Variants in MALRD1 observed in about 807,000 individuals in gnomAD.
MALRD1 encodes the protein MAM and LDL receptor class A domain containing 1, also known as MAM and LDL-receptor class A domain-containing protein 1.
MALRD1 carries 247 observed loss-of-function variants against 242.1 expected under a neutral mutation model. That is an observed-to-expected ratio of 1.02 (90% CI 0.92 to 1.13). The LOEUF (loss-of-function observed/expected upper bound fraction) is 1.13, where lower values mean the gene tolerates loss of function less well. Ranked by LOEUF, MALRD1 falls within the 50% of genes most tolerant of loss-of-function variation. The pLI is 0.00. For missense variants in MALRD1, 2,989 were observed against 2,533.1 expected (o/e 1.18, Z -3.86); for synonymous variants, 995 against 866.6 (o/e 1.15, Z -2.60).
At chr10:19,526,365 A>AAAACATAT (rs1554792495) in intron 31 of MALRD1, among the ~76,000 whole-genome samples, 1 of 148,966 alleles carries the variant, frequency 6.7e-6, no homozygotes, top group African/African-American at 2.5e-5. Flanking sequence ...CCAAAAAAAA[A>AAAACATAT]ATACATATAT....
In MALRD1 at chr10:19,640,827, A is replaced by C. The variant is rs114727499; in HGVS notation, c.6137+24904A>C. Among the ~76,000 whole-genome samples the C allele has an allele frequency of 9.2e-3, 1,408 of 152,340 alleles. 19 individuals carry two copies. The highest frequency in any genetic ancestry group is 0.032 in the African/African-American group (1,321 of 41,566). ...ACACAGCAAAATAGCTGAAATGTGG[A>C]AATGATATAGTAAGTTCTTGTTTTT... On this transcript the variant is annotated intron_variant, in intron 36 of 39. Coordinates refer to ENST00000454679, the MANE Select transcript of MALRD1 (RefSeq NM_001142308.3).
At chr10:19,307,720 G>A (rs945998616) in intron 21 of MALRD1, among the ~76,000 whole-genome samples, 3 of 151,450 alleles carry the variant, frequency 2.0e-5, no homozygotes, top group African/African-American at 4.8e-5. Context: ...ATTGGATAGA[G>A]AATTGGGTTT....
At chr10:19,486,277 G>T (rs913520632) in intron 29 of MALRD1, among the ~76,000 whole-genome samples, 2 of 152,148 alleles carry the variant, frequency 1.3e-5, no homozygotes, top group Non-Finnish European at 2.9e-5. Context: ...TTGTAAGTCT[G>T]ATCAGTTTTT....
intron 33 of MALRD1, among the ~76,000 whole-genome samples, chr10:19,589,181 A>G (rs1837621054): frequency 6.6e-6 from 1 of 152,168 alleles, no homozygotes; most frequent in Non-Finnish European, 1.5e-5. Flanking sequence ...GGTCCAAGAT[A>G]GATAGATAGA....
At chr10:19,411,945 G>C (rs1227905390) in intron 28 of MALRD1, among the ~76,000 whole-genome samples, 6 of 152,204 alleles carry the variant, frequency 3.9e-5, no homozygotes, top group Non-Finnish European at 8.8e-5. Flanking sequence ...GTTCACTCAT[G>C]GTTTTTCATA....
chr10:19,415,039 T>C (rs1656682217), intron 28 of MALRD1, among the ~76,000 whole-genome samples: 1 of 152,212 alleles, frequency 6.6e-6, no homozygotes, highest in Admixed American at 6.5e-5. Context: ...TTTCACCTAT[T>C]AGGCTATGAA....
chr10:19,693,571 A>G (rs1833212298), intron 38 of MALRD1, among the ~76,000 whole-genome samples: 1 of 152,218 alleles, frequency 6.6e-6, no homozygotes, highest in South Asian at 2.1e-4. Flanking sequence ...CAAGGAAATA[A>G]AAGAGGACAC....
intron 33 of MALRD1, among the ~76,000 whole-genome samples, chr10:19,591,768 G>A (rs1467093359): frequency 2.6e-5 from 4 of 152,102 alleles, no homozygotes; most frequent in African/African-American, 9.7e-5. Flanking sequence ...AAACTGTTGG[G>A]ATTACAGGCA....
At chr10:19,581,909 C>T (rs148517079) in intron 33 of MALRD1, among the ~76,000 whole-genome samples, 2,468 of 152,268 alleles carry the variant, frequency 0.016, 27 homozygotes, top group Admixed American at 0.025. Flanking sequence ...TAATGATTCC[C>T]ATTCTAACTG....
chr10:19,586,883 G>A (rs980931696), intron 33 of MALRD1, among the ~76,000 whole-genome samples: 5 of 152,218 alleles, frequency 3.3e-5, no homozygotes, highest in African/African-American at 1.2e-4. Flanking sequence ...GCGAGACTCC[G>A]TGGGCCTAGG....
At chr10:19,577,190 A>C (rs1366689708) in intron 33 of MALRD1, among the ~76,000 whole-genome samples, 1 of 152,180 alleles carries the variant, frequency 6.6e-6, no homozygotes, top group African/African-American at 2.4e-5. Context: ...TTTAAAATGA[A>C]TAGTGATAAA....
chr10:19,623,418 T>C (rs1036325944), intron 36 of MALRD1, among the ~76,000 whole-genome samples: 2 of 152,260 alleles, frequency 1.3e-5, no homozygotes, highest in East Asian at 3.9e-4. Context: ...CAATAGGATA[T>C]GTATAGATAT....
At chr10:19,267,941 A>G (rs921562692) in intron 19 of MALRD1, among the ~76,000 whole-genome samples, 5 of 152,178 alleles carry the variant, frequency 3.3e-5, no homozygotes, top group African/African-American at 1.2e-4. Context: ...AAAGTCTGCG[A>G]TATGTTCAAT....
intron 14 of MALRD1, among the ~76,000 whole-genome samples, chr10:19,183,116 T>G (rs10531143): frequency 7.4e-4 from 20 of 27,108 alleles, no homozygotes; most frequent in Middle Eastern, 0.019. Context: ...ATTTTGAGGG[T>G]TTTTTTTTTT....
rs1833356210 is a variant in MALRD1, at chr10:19,510,617, C to CTT, written c.5320+11971_5320+11972insTT. ...TGAGTCGACACAGCACATGTTTCTG[C>CTT]GAGCACAGGGTTGAGGGTAGGGTTA... On this transcript the variant is annotated intron_variant, in intron 31 of 39. Coordinates refer to ENST00000454679, the MANE Select transcript of MALRD1 (RefSeq NM_001142308.3). Among the ~76,000 whole-genome samples the CTT allele has an allele frequency of 2.4e-5, 3 of 124,000 alleles. No homozygotes were observed. In the Admixed American group the frequency reaches 2.5e-4, roughly 10 times the overall value. 81.3% of individuals were successfully genotyped at this position (124,000 alleles called of 152,430 possible). A position where few individuals can be genotyped will look rare whatever the true frequency, so the allele number is the denominator to read the frequency against.
intron 24 of MALRD1, among the ~76,000 whole-genome samples, chr10:19,344,920 C>T (rs1455691528): frequency 6.6e-6 from 1 of 152,056 alleles, no homozygotes; most frequent in Non-Finnish European, 1.5e-5. Flanking sequence ...ATTGATGACA[C>T]AGCTTTAGAC....
intron 21 of MALRD1, among the ~76,000 whole-genome samples, chr10:19,307,103 C>G (rs879675642): frequency 4.0e-5 from 6 of 151,514 alleles, no homozygotes; most frequent in African/African-American, 1.5e-4. Flanking sequence ...TTCATGGGGT[C>G]TGCAGTTATG....
At chr10:19,699,566 ATTG>A (rs1564551374) in intron 38 of MALRD1, among the ~76,000 whole-genome samples, 3 of 152,202 alleles carry the variant, frequency 2.0e-5, no homozygotes, top group African/African-American at 7.2e-5. Context: ...GTATTGGGCT[ATTG>A]TTGCATTGCT....
intron 12 of MALRD1, among the ~76,000 whole-genome samples, chr10:19,158,897 A>G (rs1834278577): frequency 1.3e-5 from 2 of 152,194 alleles, no homozygotes; most frequent in African/African-American, 4.8e-5. Context: ...GTCAAAGAAC[A>G]ATTTAGAAAA....
Sources: gnomAD v4.1 joint callset for allele counts (sites outside exome capture counted in the v4.1 genomes callset) on GRCh38, gnomAD v4.1.1 for gene constraint, MANE v1.5 for transcripts, NCBI Gene and HGNC (gene_info 2026-07-23, HGNC 2026-07-21) for gene names.